The following AP2A2 variants were observed in gnomAD, a reference collection of about 807,000 sequenced individuals.
AP2A2 encodes AP-2 complex subunit alpha-2.
A neutral mutation model predicts 104.2 loss-of-function variants in AP2A2; 32 were observed. That is an observed-to-expected ratio of 0.31 (90% CI 0.23 to 0.41). The LOEUF (loss-of-function observed/expected upper bound fraction) is 0.41, where lower values mean the gene tolerates loss of function less well. AP2A2 is among the 10% of genes least tolerant of loss of function. The pLI, the probability that AP2A2 is intolerant of heterozygous loss-of-function variation, is 1.00. For missense variants in AP2A2, 912 were observed against 1,261.0 expected (o/e 0.72, Z 4.19); for synonymous variants, 539 against 533.3 (o/e 1.01, Z -0.15).
chr11:930,120 C>CAAAAA (rs1157025547), intron 1 of AP2A2, among the ~76,000 whole-genome samples: 4 of 52,002 alleles, frequency 7.7e-5, no homozygotes, highest in South Asian at 6.9e-4. Flanking sequence ...GACTCTGTCT[C>CAAAAA]AAAAAAAAAA....
chr11:931,973 T>C (rs1295062763), intron 1 of AP2A2, among the ~76,000 whole-genome samples: 1 of 151,988 alleles, frequency 6.6e-6, no homozygotes, highest in African/African-American at 2.4e-5. Flanking sequence ...TAATTTTTTG[T>C]ATTTTTTAGT....
At chr11:931,770 G>A (rs1345350126) in intron 1 of AP2A2, among the ~76,000 whole-genome samples, 2 of 150,950 alleles carry the variant, frequency 1.3e-5, no homozygotes, top group Admixed American at 1.3e-4. Flanking sequence ...GCTCATTGTG[G>A]TTGGCATAAA....
chr11:986,615 G>A (rs1014953545), intron 8 of AP2A2, among the ~76,000 whole-genome samples, 170 bp from the exon 9 acceptor site: 1 of 152,250 alleles, frequency 6.6e-6, no homozygotes. Context: ...GGGGTCGGGC[G>A]TCATCTGCAT....
chr11:926,728 G>A (rs184509539), intron 1 of AP2A2, among the ~76,000 whole-genome samples: 1 of 152,298 alleles, frequency 6.6e-6, no homozygotes, highest in Non-Finnish European at 1.5e-5. Flanking sequence ...TTCCCGGAGG[G>A]AATCTGGACA....
chr11:943,695 G>A (rs142184022), intron 1 of AP2A2, among the ~76,000 whole-genome samples: 4,216 of 150,754 alleles, frequency 0.028, 192 homozygotes, highest in African/African-American at 0.095. Context: ...GAGTCCGACC[G>A]GAGATGCAGG....
chr11:941,880 C>T (rs566580584), intron 1 of AP2A2, among the ~76,000 whole-genome samples: 1 of 152,044 alleles, frequency 6.6e-6, no homozygotes, highest in Non-Finnish European at 1.5e-5. Context: ...AACCACCATG[C>T]CCGGCCTCTC....
intron 1 of AP2A2, among the ~76,000 whole-genome samples, chr11:959,216 C>A (rs541379480): frequency 4.6e-5 from 7 of 152,348 alleles, no homozygotes. Context: ...GCTGTCCTGA[C>A]CCAGGCACTC....
intron 14 of AP2A2, among the ~76,000 whole-genome samples, chr11:998,339 A>T (rs1441106704): frequency 3.4e-5 from 2 of 59,358 alleles, no homozygotes; most frequent in African/African-American, 1.4e-4. Flanking sequence ...CCCCATTCTG[A>T]CCCCCCGCCC....
Position 1,011,293 on chromosome 11 carries a change from G to T in AP2A2, c.*668G>T. ...ATGCTCCTGCAGTCGCCGAGGCCTT[G>T]GATGTGCAGCCAGGGGAGGAGCGTC... On this transcript the variant is annotated 3_prime_UTR_variant, in exon 22 of 22. Coordinates refer to ENST00000448903, the MANE Select transcript of AP2A2 (RefSeq NM_012305.4). 1 of 518,888 alleles carries T rather than the reference G, an allele frequency of 1.9e-6. No individual in the cohort carries two copies. Among genetic ancestry groups the T allele is most frequent in the Non-Finnish European group, 3.8e-6 (1 of 259,880 alleles). The allele number at this position is 518,888 out of a possible 1,614,324, so 32.1% of individuals were successfully genotyped here.
In AP2A2 at chr11:984,764, G is replaced by C; in HGVS notation, c.814+11G>C. On this transcript the variant is annotated intron_variant, in intron 7 of 21. Coordinates refer to ENST00000448903, the MANE Select transcript of AP2A2 (RefSeq NM_012305.4). ...GCTACCCACCCCCAGGTAACGCGCA[G>C]GCCGCGGCTCCTGAAGCTGCACCAG... 1 of 1,584,844 alleles carries C rather than the reference G, an allele frequency of 6.3e-7. No homozygotes were observed. The highest frequency in any genetic ancestry group is 8.7e-7 in the Non-Finnish European group (1 of 1,156,054).
At chr11:1,009,454 G>T (rs1437428026) in intron 20 of AP2A2, 57 bp downstream of exon 20, 26 of 1,538,834 alleles carry the variant, frequency 1.7e-5, no homozygotes, top group Non-Finnish European at 2.3e-5. Flanking sequence ...CCCGCGCCAG[G>T]GTCTGGAGGG....
In AP2A2 at chr11:968,935, C is replaced by T. The variant is rs1854718266; in HGVS notation, c.137-1234C>T. Among the ~76,000 whole-genome samples, 1 of 152,188 alleles carries T rather than the reference C, an allele frequency of 6.6e-6. No homozygotes were observed. Among genetic ancestry groups the T allele is most frequent in the South Asian group, 2.1e-4 (1 of 4,830 alleles). On this transcript the variant is annotated intron_variant, in intron 2 of 21. Coordinates refer to ENST00000448903, the MANE Select transcript of AP2A2 (RefSeq NM_012305.4). This position sits in a 1 kb window ranked among gnomAD's most constrained non-coding sequence, Gnocchi z 4.2. ...AGCTGACTGGCCGACTGGTGATGCA[C>T]CGTTCCCCAGGAAATGTGGCCGGTC...
In AP2A2 at chr11:993,118, A is replaced by G. The variant is rs1027691076; in HGVS notation, c.1453-166A>G. On this transcript the variant is annotated intron_variant, in intron 11 of 21. Coordinates refer to ENST00000448903, the MANE Select transcript of AP2A2 (RefSeq NM_012305.4). This position sits in a 1 kb window ranked among gnomAD's most constrained non-coding sequence, Gnocchi z 8.2. ...CAGCCTTGGGTTCCTTGCTGCTGAC[A>G]CAGGTACTGAGGGTGCTGAGGAAGG... Among the ~76,000 whole-genome samples, 5 of 152,168 alleles carry G rather than the reference A, an allele frequency of 3.3e-5. No homozygotes were observed. The highest frequency in any genetic ancestry group is 4.8e-5 in the African/African-American group (2 of 41,436).
chr11:957,376 T>A (rs1854272067), intron 1 of AP2A2, among the ~76,000 whole-genome samples: 1 of 152,198 alleles, frequency 6.6e-6, no homozygotes, highest in African/African-American at 2.4e-5. Context: ...AAGGGTGTGA[T>A]CTAAACCCAG....
chr11:991,462 C>T (rs1037881850), intron 10 of AP2A2, among the ~76,000 whole-genome samples: 37 of 152,070 alleles, frequency 2.4e-4, no homozygotes, highest in African/African-American at 8.2e-4. Flanking sequence ...GCAGAGGCTA[C>T]TGGGAGGGCA....
chr11:966,030 G>A (rs1854604529), intron 2 of AP2A2, among the ~76,000 whole-genome samples: 1 of 152,262 alleles, frequency 6.6e-6, no homozygotes, highest in Non-Finnish European at 1.5e-5. Flanking sequence ...TAGAGATGGG[G>A]TCTCGCTGTG....
chr11:1,000,103 G>T (rs1855981801), intron 14 of AP2A2, among the ~76,000 whole-genome samples: 1 of 152,144 alleles, frequency 6.6e-6, no homozygotes, highest in South Asian at 2.1e-4. Flanking sequence ...ACCGCGTCTG[G>T]CCTTTTTTTA....
chr11:994,381 C>CGGGG, intron 14 of AP2A2, 136 bp downstream of exon 14: 1 of 1,110,982 alleles, frequency 9.0e-7, no homozygotes, highest in Non-Finnish European at 1.3e-6. Context: ...GGACACCCCG[C>CGGGG]TGTCCTGTCC....
At chr11:928,641 A>G (rs1853193179) in intron 1 of AP2A2, among the ~76,000 whole-genome samples, 1 of 152,250 alleles carries the variant, frequency 6.6e-6, no homozygotes, top group South Asian at 2.1e-4. Flanking sequence ...GGCATTGACA[A>G]ATGTGCCCTT....
Sources: gnomAD v4.1 joint callset for allele counts (sites outside exome capture counted in the v4.1 genomes callset) on GRCh38, gnomAD v4.1.1 for gene constraint, Gnocchi (gnomAD v3.1) non-coding constraint, MANE v1.5 for transcripts, NCBI Gene and HGNC (gene_info 2026-07-23, HGNC 2026-07-21) for gene names.